NRXN1: variants seen among roughly 807,000 people sequenced by gnomAD.
NRXN1 encodes neurexin 1.
A neutral mutation model predicts 150.9 loss-of-function variants in NRXN1; 39 were observed. The observed-to-expected ratio is 0.26, with a 90% CI of 0.20 to 0.34. NRXN1 has a LOEUF of 0.34. Among genes scored for constraint, NRXN1 ranks in the 10% least tolerant of loss-of-function variants. The pLI, the probability that NRXN1 is intolerant of heterozygous loss-of-function variation, is 1.00. For synonymous variants in NRXN1, 924 were observed against 757.0 expected (o/e 1.22, Z -3.62); for missense variants, 1,815 against 1,949.9 (o/e 0.93, Z 1.30).
intron 17 of NRXN1, among the ~76,000 whole-genome samples, chr2:50,454,664 T>TCACA (rs3052512): frequency 0.21 from 29,244 of 140,614 alleles, 3,652 homozygotes; most frequent in East Asian, 0.62. Context: ...TGGGCAAAGA[T>TCACA]CACACACACA....
intron 18 of NRXN1, among the ~76,000 whole-genome samples, chr2:50,182,092 T>C: frequency 6.8e-6 from 1 of 147,678 alleles, no homozygotes; most frequent in South Asian, 2.1e-4. Flanking sequence ...TGGTTACTAC[T>C]TCTTAAAAAT....
chr2:50,204,943 C>T (rs1019972461), intron 18 of NRXN1, among the ~76,000 whole-genome samples: 5 of 152,006 alleles, frequency 3.3e-5, no homozygotes, highest in Non-Finnish European at 7.4e-5. Context: ...CTATTAGACA[C>T]TTATGCTTGT....
chr2:50,501,676 C>T (rs2091957590), intron 13 of NRXN1, among the ~76,000 whole-genome samples: 1 of 151,700 alleles, frequency 6.6e-6, no homozygotes, highest in Non-Finnish European at 1.5e-5. Flanking sequence ...GATTTTTACA[C>T]AGACTGGATG....
intron 2 of NRXN1, among the ~76,000 whole-genome samples, chr2:50,960,885 A>T (rs554204316): frequency 6.6e-6 from 1 of 152,040 alleles, no homozygotes; most frequent in South Asian, 2.1e-4. Context: ...GAGTTCTCAC[A>T]AATTAACTTG....
chr2:50,300,249 G>T (rs2074026020), intron 17 of NRXN1, among the ~76,000 whole-genome samples: 1 of 152,072 alleles, frequency 6.6e-6, no homozygotes, highest in Non-Finnish European at 1.5e-5. Context: ...GAGTAAATTG[G>T]GTAAGACCAC....
In NRXN1 at chr2:50,751,889, C is replaced by T. The variant is rs537735997; in HGVS notation, c.833-128274G>A. Among the ~76,000 whole-genome samples the T allele has an allele frequency of 2.0e-5, 3 of 152,010 alleles. No individual in the cohort carries two copies. The South Asian group carries it at 6.2e-4, about 32-fold the overall frequency. ...GGCCCAGGTCTCCTATTCCAGAAAA[C>T]TATTTGAGGGTTGAAACCTCCTCCA... On this transcript the variant is annotated intron_variant, in intron 5 of 22. Coordinates refer to ENST00000401669, the MANE Select transcript of NRXN1 (RefSeq NM_001330078.2).
intron 18 of NRXN1, among the ~76,000 whole-genome samples, chr2:50,179,008 TA>T (rs897131498): frequency 4.0e-4 from 61 of 152,224 alleles, no homozygotes; most frequent in African/African-American, 1.4e-3. Context: ...ATAATTGTAA[TA>T]AAAAAGAAAA....
intron 5 of NRXN1, among the ~76,000 whole-genome samples, chr2:50,711,290 CT>C (rs150717926): frequency 0.13 from 18,696 of 144,576 alleles, 1,687 homozygotes; most frequent in East Asian, 0.3. Context: ...GCACTTTCAT[CT>C]GTTTAGGTGA....
chr2:50,494,034 C>T (rs2091418482), intron 15 of NRXN1, among the ~76,000 whole-genome samples: 2 of 152,132 alleles, frequency 1.3e-5, no homozygotes, highest in South Asian at 4.1e-4. Context: ...TAAGTACCCC[C>T]ACCAGAAAGA....
At chr2:50,287,737 A>G (rs1436737026) in intron 17 of NRXN1, among the ~76,000 whole-genome samples, 1 of 152,222 alleles carries the variant, frequency 6.6e-6, no homozygotes, top group African/African-American at 2.4e-5. Flanking sequence ...CATTTTAAAC[A>G]GATGAAAATA....
chr2:50,223,662 T>A (rs182538227), intron 18 of NRXN1, among the ~76,000 whole-genome samples: 3 of 151,898 alleles, frequency 2.0e-5, no homozygotes, highest in African/African-American at 7.2e-5. Context: ...GATGACATAC[T>A]TTTCCTTTGA....
At chr2:50,927,241 G>C (rs952091126) in intron 2 of NRXN1, among the ~76,000 whole-genome samples, 3 of 151,954 alleles carry the variant, frequency 2.0e-5, no homozygotes, top group Non-Finnish European at 4.4e-5. Context: ...ATTGGATAAA[G>C]TTACTAGTGA....
At chr2:50,109,702 C>A (rs886414069) in intron 18 of NRXN1, among the ~76,000 whole-genome samples, 2 of 152,056 alleles carry the variant, frequency 1.3e-5, no homozygotes, top group African/African-American at 2.4e-5. Context: ...TGGTGAATAC[C>A]CTATTTTCAC....
chr2:49,943,581 C>G, intron 22 of NRXN1, 123 bp downstream of exon 22: 1 of 707,550 alleles, frequency 1.4e-6, no homozygotes, highest in Non-Finnish European at 2.6e-6. Context: ...GTCCTCATCT[C>G]ACAATCAACG....
At chr2:50,979,130 T>C in intron 2 of NRXN1, 4 of 367,402 alleles carry the variant, frequency 1.1e-5, no homozygotes, top group South Asian at 8.6e-5. Flanking sequence ...CAATAGAGAA[T>C]ATTTAAAACC....
chr2:51,027,677 G>T lies in NRXN1; in HGVS notation c.597C>A (p.Ser199Arg). The change falls in exon 2 of 23, where the codon AGC becomes AGA. Residue 199 changes from serine (S) to arginine (R), a missense_variant. Ser to Arg is a moderately radical substitution (Grantham distance 110, BLOSUM62 -1). Coordinates refer to ENST00000401669, the MANE Select transcript of NRXN1 (RefSeq NM_001330078.2). The part of the protein sequence containing the change: ...VNSSQVLPVD[S>R]GEVKLDDEPP... ...GCTCATCGTCCAGCTTCACCTCGCC[G>T]CTGTCCACGGGCAGGACCTGCGAGG... 1 of 1,603,310 alleles carries T rather than the reference G, an allele frequency of 6.2e-7. No homozygotes were observed. The highest frequency in any genetic ancestry group is 1.1e-5 in the South Asian group (1 of 89,358).
intron 8 of NRXN1, among the ~76,000 whole-genome samples, chr2:50,561,956 C>G (rs1669149586): frequency 6.6e-6 from 1 of 152,188 alleles, no homozygotes; most frequent in African/African-American, 2.4e-5. Flanking sequence ...GTTTCTACTT[C>G]AAGCCAGCAG....
chr2:50,338,201 A>G (rs182487110), intron 17 of NRXN1, among the ~76,000 whole-genome samples: 8 of 152,366 alleles, frequency 5.3e-5, no homozygotes, highest in African/African-American at 1.9e-4. Context: ...CATCCACGTG[A>G]CAAATGACTG....
chr2:50,681,934 A>T (rs1449643165), intron 5 of NRXN1, among the ~76,000 whole-genome samples: 9 of 152,260 alleles, frequency 5.9e-5, no homozygotes, highest in African/African-American at 2.2e-4. Context: ...TATCTTTCTA[A>T]GCCTCATGCT....
Sources: gnomAD v4.1 joint callset for allele counts (sites outside exome capture counted in the v4.1 genomes callset) on GRCh38, gnomAD v4.1.1 for gene constraint, MANE v1.5 for transcripts, NCBI Gene and HGNC (gene_info 2026-07-23, HGNC 2026-07-21) for gene names.